Variants in GARRE1 observed in about 807,000 individuals in gnomAD.
GARRE1 encodes granule associated Rac and RHOG effector 1.
A neutral mutation model predicts 103.2 loss-of-function variants in GARRE1; 49 were observed. That is an observed-to-expected ratio of 0.47 (90% CI 0.38 to 0.60). GARRE1 has a LOEUF of 0.60. Among genes scored for constraint, GARRE1 ranks in the 20% least tolerant of loss-of-function variants. GARRE1 has a pLI of 0.00. For missense variants in GARRE1, 1,199 were observed against 1,370.5 expected (o/e 0.87, Z 1.98); for synonymous variants, 505 against 532.8 (o/e 0.95, Z 0.72).
chr19:34,267,453 A>G (rs1241113406), intron 1 of GARRE1, among the ~76,000 whole-genome samples: 1 of 151,560 alleles, frequency 6.6e-6, no homozygotes, highest in African/African-American at 2.4e-5. Context: ...CAGTCCTCCT[A>G]CCTTGGCCTC....
intron 3 of GARRE1, among the ~76,000 whole-genome samples, chr19:34,323,856 T>G (rs1161005737): frequency 6.6e-6 from 1 of 152,176 alleles, no homozygotes; most frequent in Non-Finnish European, 1.5e-5. Context: ...ACCATTTTAG[T>G]CTGTCCAGGC....
chr19:34,321,635 C>T (rs1174046366), intron 3 of GARRE1, among the ~76,000 whole-genome samples: 1 of 151,806 alleles, frequency 6.6e-6, no homozygotes, highest in Admixed American at 6.6e-5. Flanking sequence ...TGTATTTTAG[C>T]CCCAGCTAAT....
intron 10 of GARRE1, among the ~76,000 whole-genome samples, chr19:34,343,428 C>T (rs1159551950): frequency 1.3e-5 from 2 of 152,004 alleles, no homozygotes; most frequent in African/African-American, 4.8e-5. Context: ...CAGAGAGAAA[C>T]CCTGTCTCAA....
chr19:34,300,632 C>G lies in GARRE1; in HGVS notation c.159C>G (p.Pro53=), dbSNP rs781251259. 3.7e-6 allele frequency: 6 copies of G among 1,613,586 alleles called. No homozygotes were observed. In the Admixed American group the frequency reaches 8.3e-5, roughly 22 times the overall value. The change falls in exon 2 of 14, where the codon CCC becomes CCG. Residue 53 remains proline, a synonymous_variant. Transcript: ENST00000299505. ...TGGCATCCACGGCCACCACTGCCCC[C>G]CTGGGCAGTCTGACCGCTGCAGGCA... ...APLASTATTA[P]LGSLTAAGSC...
At position 34,330,179 on chromosome 19, in the gene GARRE1, C is replaced by T; in HGVS notation, c.1105-10C>T. 1 of 1,611,114 alleles carries T rather than the reference C, an allele frequency of 6.2e-7. No individual in the cohort carries two copies. The highest frequency in any genetic ancestry group is 8.5e-7 in the Non-Finnish European group (1 of 1,177,700). On this transcript the variant is annotated splice_polypyrimidine_tract_variant and intron_variant, in intron 6 of 13. Transcript: ENST00000299505. ...CTTGAGGTGTGAACTCTCTTCTTAT[C>T]AATCTATAGCATACAATGTTACAGC...
intron 2 of GARRE1, among the ~76,000 whole-genome samples, chr19:34,302,763 AAGAC>A (rs1006110378): frequency 2.7e-5 from 4 of 147,980 alleles, no homozygotes; most frequent in South Asian, 2.1e-4. Context: ...TTTTTTTTAA[AAGAC>A]AGAGTCTCTC....
chr19:34,330,763 T>A (rs1051389386), intron 7 of GARRE1, among the ~76,000 whole-genome samples: 2 of 143,806 alleles, frequency 1.4e-5, no homozygotes, highest in Non-Finnish European at 3.0e-5. Flanking sequence ...TGTGTGTGTG[T>A]GACAGACTCT....
chr19:34,284,161 C>T (rs1244265077), intron 1 of GARRE1, among the ~76,000 whole-genome samples: 1 of 134,100 alleles, frequency 7.5e-6, no homozygotes, highest in Non-Finnish European at 1.6e-5. Flanking sequence ...GAGACAGTCT[C>T]ACTCAGTCAC....
At chr19:34,267,780 GTT>G (rs942698745) in intron 1 of GARRE1, among the ~76,000 whole-genome samples, 8 of 133,382 alleles carry the variant, frequency 6.0e-5, no homozygotes, top group Admixed American at 7.5e-5. Context: ...TGGTTTTTTT[GTT>G]TTTTTTTTTT....
chr19:34,301,519 A>T (rs1410601903), intron 2 of GARRE1, among the ~76,000 whole-genome samples: 2 of 123,024 alleles, frequency 1.6e-5, no homozygotes, highest in Admixed American at 7.7e-5. Context: ...GTCTCAAAAA[A>T]AAAAAAAAAA....
At chr19:34,351,196 C>CA (rs776416030) in intron 12 of GARRE1, among the ~76,000 whole-genome samples, 858 of 52,056 alleles carry the variant, frequency 0.016, 4 homozygotes, top group East Asian at 0.081. Context: ...GACTCAGTCT[C>CA]AAAAAAAAAA....
intron 3 of GARRE1, 150 bp from the exon 4 acceptor site, chr19:34,327,271 C>A: frequency 1.6e-6 from 1 of 643,754 alleles, no homozygotes. Context: ...CTTTGCAATA[C>A]AAACAATCTA....
rs749175436 is a variant in GARRE1, at chr19:34,328,123, C to T, written c.1076C>T (p.Ser359Leu). 16 of 1,613,908 alleles carry T rather than the reference C, an allele frequency of 9.9e-6. No homozygotes were observed. Among genetic ancestry groups the T allele is most frequent in the African/African-American group, 2.7e-5 (2 of 74,898 alleles). ...HFLKGVSFNE[S>L]AADNLKLKTH... ...CTGAAGGGCGTCTCCTTTAATGAGTCGGCCGCCGACAATCTGAAACTTAAG... is the reference window on the plus strand; with the variant it reads ...CTGAAGGGCGTCTCCTTTAATGAGTTGGCCGCCGACAATCTGAAACTTAAG... Residue 359 changes from serine (S) to leucine (L), a missense_variant, in exon 6 of 14, where the codon TCG becomes TTG. Coordinates refer to ENST00000299505, the MANE Select transcript of GARRE1 (RefSeq NM_014686.5).
At chr19:34,306,922 A>G (rs1443412296) in intron 2 of GARRE1, among the ~76,000 whole-genome samples, 1 of 152,042 alleles carries the variant, frequency 6.6e-6, no homozygotes, top group African/African-American at 2.4e-5. Context: ...ATCTTAGAGA[A>G]GGTAGTTAGA....
rs1599781024 is a variant in GARRE1 at position 34,341,636 on chromosome 19, A to G, written c.1702A>G (p.Ile568Val). The G allele has an allele frequency of 5.6e-6, 9 of 1,614,192 alleles. No homozygotes were observed. Among genetic ancestry groups the G allele is most frequent in the East Asian group, 2.2e-5 (1 of 44,880 alleles). Reference sequence around the variant, plus strand: ...CATCCAAAATACCCCTTCCAAAAACATCTTCATAGCTGGATGTTCCGAAGA... The same window carrying G: ...CATCCAAAATACCCCTTCCAAAAACGTCTTCATAGCTGGATGTTCCGAAGA... ...YSIQNTPSKN[I>V]FIAGCSEEKA... Residue 568 changes from isoleucine to valine, a missense_variant, in exon 10 of 14, where the codon ATC (isoleucine) becomes GTC (valine). Physicochemically the swap from Ile to Val is conservative, Grantham distance 29. Coordinates refer to ENST00000299505, the MANE Select transcript of GARRE1 (RefSeq NM_014686.5).
At chr19:34,307,751 A>G (rs2074016288) in intron 2 of GARRE1, among the ~76,000 whole-genome samples, 1 of 140,336 alleles carries the variant, frequency 7.1e-6, no homozygotes, top group Non-Finnish European at 1.5e-5. Flanking sequence ...TATACTATAT[A>G]TACATATATA....
Position 34,333,693 on chromosome 19 carries a change from T to TTTTTTTTC in GARRE1, c.1264-10_1264-9insTTTTTTCT. 1 of 1,421,536 alleles carries TTTTTTTTC rather than the reference T, an allele frequency of 7.0e-7. No homozygotes were observed. The highest frequency in any genetic ancestry group is 9.7e-7 in the Non-Finnish European group (1 of 1,029,698). 88.1% of individuals were successfully genotyped at this position (1,421,536 alleles called of 1,614,324 possible). A position where few individuals can be genotyped will look rare whatever the true frequency, so the allele number is the denominator to read the frequency against. On this transcript the variant is annotated splice_polypyrimidine_tract_variant and intron_variant, in intron 7 of 13. Coordinates refer to ENST00000299505, the MANE Select transcript of GARRE1 (RefSeq NM_014686.5). ...TTGTTATTTGTTTTTTTTTTTTTTT[T>TTTTTTTTC]TCGATCTTAGGTGGTGGTTGACACA...
In GARRE1 at chr19:34,341,792, A is replaced by T. The variant is rs376305443; in HGVS notation, c.1858A>T (p.Met620Leu). ...TAATACAGTGGCCAATGGCTTTCTC[A>T]TGGAGAGGCGTGAGAACTTCCTGCA... ...SSNTVANGFL[M>L]ERRENFLHGD... The change falls in exon 10 of 14, where the codon ATG becomes TTG. Residue 620 changes from methionine to leucine, a missense_variant. Met to Leu is a conservative substitution (Grantham distance 15, BLOSUM62 2). Coordinates refer to ENST00000299505, the MANE Select transcript of GARRE1 (RefSeq NM_014686.5). 6.2e-7 allele frequency: 1 copy of T among 1,610,122 alleles called. No homozygotes were observed. Among genetic ancestry groups the T allele is most frequent in the African/African-American group, 1.3e-5 (1 of 74,834 alleles).
At chr19:34,351,389 G>A (rs2074236114) in intron 12 of GARRE1, 125 bp from the exon 13 acceptor site, 1 of 729,328 alleles carries the variant, frequency 1.4e-6, no homozygotes, top group African/African-American at 1.7e-5. Context: ...CATTGACCCA[G>A]GCAGGCCTCC....
Sources: allele counts gnomAD v4.1 joint callset (sites outside exome capture counted in the v4.1 genomes callset), GRCh38; gene constraint gnomAD v4.1.1; transcripts MANE v1.5; gene names NCBI Gene and HGNC (gene_info 2026-07-23, HGNC 2026-07-21).